The following CERKL variants were observed in gnomAD, a reference collection of about 807,000 sequenced individuals.
The protein encoded by CERKL is ceramide kinase-like protein.
Under a neutral mutation model 63.4 loss-of-function variants are expected in CERKL, and 61 were observed. That is an observed-to-expected ratio of 0.96 (90% confidence interval 0.78 to 1.19). The LOEUF (loss-of-function observed/expected upper bound fraction) is 1.19. Among genes scored for constraint, CERKL ranks in the 50% most tolerant of loss-of-function variants. The pLI, the probability that CERKL is intolerant of heterozygous loss-of-function variation, is 0.00. For synonymous variants in CERKL, 250 were observed against 230.5 expected (o/e 1.08, Z -0.77); for missense variants, 675 against 655.5 (o/e 1.03, Z -0.33).
chr2:181,578,581 AACC>A (rs949553180), intron 2 of CERKL, among the ~76,000 whole-genome samples: 8 of 151,582 alleles, frequency 5.3e-5, no homozygotes, highest in Admixed American at 1.3e-4. Context: ...TACAGGTATG[AACC>A]ACCATGTTTG....
At chr2:181,560,800 CTTA>C (rs1185895981) in intron 4 of CERKL, among the ~76,000 whole-genome samples, 1 of 151,970 alleles carries the variant, frequency 6.6e-6, no homozygotes, top group Non-Finnish European at 1.5e-5. Flanking sequence ...TTATGAGAAT[CTTA>C]TTATTTTGAA....
chr2:181,617,926 A>C (rs1393421609), intron 1 of CERKL, among the ~76,000 whole-genome samples: 3 of 152,260 alleles, frequency 2.0e-5, no homozygotes, highest in Non-Finnish European at 4.4e-5. Context: ...TATTTTCCTT[A>C]GATACTTGAA....
At chr2:181,563,049 C>G (rs1009396653) in intron 4 of CERKL, among the ~76,000 whole-genome samples, 1 of 152,072 alleles carries the variant, frequency 6.6e-6, no homozygotes, top group Non-Finnish European at 1.5e-5. Context: ...TGCATAAAAT[C>G]TATAGATTTT....
chr2:181,633,152 C>G (rs1231131520), intron 1 of CERKL, among the ~76,000 whole-genome samples: 1 of 152,194 alleles, frequency 6.6e-6, no homozygotes, highest in East Asian at 1.9e-4. Flanking sequence ...ACAGATATCA[C>G]AGAGGCCCAA....
intron 2 of CERKL, among the ~76,000 whole-genome samples, chr2:181,590,066 A>T (rs1211635297): frequency 1.3e-5 from 2 of 151,686 alleles, no homozygotes; most frequent in Non-Finnish European, 2.9e-5. Flanking sequence ...AAATGATTCA[A>T]CCACCTTGAC....
At chr2:181,580,927 T>C (rs1684476931) in intron 2 of CERKL, among the ~76,000 whole-genome samples, 1 of 152,174 alleles carries the variant, frequency 6.6e-6, no homozygotes, top group Non-Finnish European at 1.5e-5. Flanking sequence ...GTTTCTTTGG[T>C]GTTAATTGAT....
At chr2:181,630,537 G>A (rs1337950937) in intron 1 of CERKL, among the ~76,000 whole-genome samples, 1 of 152,120 alleles carries the variant, frequency 6.6e-6, no homozygotes. Context: ...AATCCAATAG[G>A]ACTGGTGTTC....
Position 181,537,601 on chromosome 2 carries a change from A to T in CERKL, c.*583T>A. On this transcript the variant is annotated 3_prime_UTR_variant, in exon 13 of 13. Transcript: ENST00000410087. ...AAATCTGTATTATATTTGTAACAGA[A>T]TATAGGAAATTTAACATAATTGATG... 1 of 430,868 alleles carries T rather than the reference A, an allele frequency of 2.3e-6. No individual in the cohort carries two copies. The highest frequency in any genetic ancestry group is 1.7e-5 in the South Asian group (1 of 59,180). The allele number at this position is 430,868 out of a possible 1,614,324, so 26.7% of individuals were successfully genotyped here.
At chr2:181,642,599 TC>T (rs1400275822) in intron 1 of CERKL, among the ~76,000 whole-genome samples, 1 of 152,212 alleles carries the variant, frequency 6.6e-6, no homozygotes, top group Non-Finnish European at 1.5e-5. Context: ...TAGTCACTGC[TC>T]TAATTCAGCT....
chr2:181,640,120 G>T (rs1325001738), intron 1 of CERKL, among the ~76,000 whole-genome samples: 1 of 152,072 alleles, frequency 6.6e-6, no homozygotes, highest in Non-Finnish European at 1.5e-5. Context: ...CTTCCTGATT[G>T]CCTGTCTACC....
At chr2:181,591,523 G>A (rs1684989874) in intron 2 of CERKL, among the ~76,000 whole-genome samples, 1 of 152,020 alleles carries the variant, frequency 6.6e-6, no homozygotes, top group East Asian at 1.9e-4. Flanking sequence ...CAGTCTAGGG[G>A]CCAAAAAAAG....
intron 1 of CERKL, among the ~76,000 whole-genome samples, chr2:181,609,680 T>C (rs1033932195): frequency 4.6e-5 from 7 of 151,894 alleles, no homozygotes; most frequent in Non-Finnish European, 8.8e-5. Flanking sequence ...CACTCCAGCC[T>C]GGGTGACTGA....
chr2:181,601,089 T>G (rs994915541), intron 2 of CERKL, among the ~76,000 whole-genome samples: 3 of 152,134 alleles, frequency 2.0e-5, no homozygotes, highest in Admixed American at 6.5e-5. Context: ...CTAAACAACC[T>G]GCACCTGAAT....
At chr2:181,566,346 T>C (rs1688666547) in intron 3 of CERKL, among the ~76,000 whole-genome samples, 2 of 152,188 alleles carry the variant, frequency 1.3e-5, no homozygotes, top group African/African-American at 4.8e-5. Flanking sequence ...TTCAACTACA[T>C]AAAGTCATTT....
chr2:181,579,072 T>A (rs946049844), intron 2 of CERKL, among the ~76,000 whole-genome samples: 1 of 152,002 alleles, frequency 6.6e-6, no homozygotes, highest in Non-Finnish European at 1.5e-5. Context: ...TGTCATTTAT[T>A]AACTGTGTGA....
chr2:181,572,376 C>T (rs1346714825), intron 3 of CERKL, among the ~76,000 whole-genome samples: 1 of 152,118 alleles, frequency 6.6e-6, no homozygotes, highest in Non-Finnish European at 1.5e-5. Context: ...CTATGTTGAA[C>T]ACAGAGCAAG....
At chr2:181,624,560 G>A (rs888433168) in intron 1 of CERKL, among the ~76,000 whole-genome samples, 4 of 152,074 alleles carry the variant, frequency 2.6e-5, no homozygotes, top group Non-Finnish European at 4.4e-5. Flanking sequence ...TTGCTACATG[G>A]AGAACAGACT....
At chr2:181,549,509 A>G in intron 6 of CERKL, 125 bp downstream of exon 6, 2 of 758,498 alleles carry the variant, frequency 2.6e-6, no homozygotes, top group Non-Finnish European at 4.6e-6. Flanking sequence ...TTTTAGTCAA[A>G]CATTTCTCTA....
In CERKL at chr2:181,549,725, A is replaced by G; in HGVS notation, c.821-17T>C. 1 of 1,559,044 alleles carries G rather than the reference A, an allele frequency of 6.4e-7. No homozygotes were observed. The highest frequency in any genetic ancestry group is 8.8e-7 in the Non-Finnish European group (1 of 1,130,092). On this transcript the variant is annotated splice_polypyrimidine_tract_variant and intron_variant, in intron 5 of 12. Transcript: ENST00000410087. ...TGGTAGATCCTGCCAAAGCAATTTTAAAACATGCACTATTAGGGTAGAATG... is the reference window on the plus strand; with the variant it reads ...TGGTAGATCCTGCCAAAGCAATTTTGAAACATGCACTATTAGGGTAGAATG...
Sources: allele counts gnomAD v4.1 joint callset (sites outside exome capture counted in the v4.1 genomes callset), GRCh38; gene constraint gnomAD v4.1.1; transcripts MANE v1.5; gene names NCBI Gene and HGNC (gene_info 2026-07-23, HGNC 2026-07-21).